The following DMRT1 variants were observed in gnomAD, a reference collection of about 807,000 sequenced individuals.
The protein encoded by DMRT1 is doublesex and mab-3 related transcription factor 1.
DMRT1 carries 7 observed loss-of-function variants against 32.3 expected under a neutral mutation model. That is an observed-to-expected ratio of 0.22 (90% CI 0.12 to 0.41). The LOEUF (loss-of-function observed/expected upper bound fraction) is 0.41. Among genes scored for constraint, DMRT1 ranks in the 10% least tolerant of loss-of-function variants. The probability of loss-of-function intolerance (pLI) is 1.00; values close to 1 mark genes in which losing one functional copy is unlikely to be tolerated. For synonymous variants in DMRT1, 278 were observed against 206.1 expected (o/e 1.35, Z -2.99); for missense variants, 625 against 500.5 (o/e 1.25, Z -2.37).
chr9:950,244 A>C (rs1819384756), intron 4 of DMRT1, among the ~76,000 whole-genome samples: 1 of 152,122 alleles, frequency 6.6e-6, no homozygotes, highest in African/African-American at 2.4e-5. Flanking sequence ...GTCTTTTTGC[A>C]GCAAAATCAT....
chr9:842,230 G>GT (rs780064237), intron 1 of DMRT1, 38 bp downstream of exon 1: 279,943 of 1,194,778 alleles, frequency 0.23, 6,813 homozygotes, highest in Non-Finnish European at 0.24. Context: ...TTCAGCCTTA[G>GT]TTTTTTTTTT....
intron 2 of DMRT1, among the ~76,000 whole-genome samples, chr9:857,303 T>A (rs969034574): frequency 1.5e-5 from 2 of 129,752 alleles, no homozygotes; most frequent in Non-Finnish European, 3.8e-5. Context: ...CAAGACTCTA[T>A]CTCAAAAAAA....
At chr9:881,675 C>T (rs1564220439) in intron 2 of DMRT1, among the ~76,000 whole-genome samples, 1 of 152,212 alleles carries the variant, frequency 6.6e-6, no homozygotes, top group African/African-American at 2.4e-5. Flanking sequence ...GTCAGTCAAA[C>T]AAGTTCCTAA....
intron 4 of DMRT1, among the ~76,000 whole-genome samples, chr9:951,874 T>C (rs2129957839): frequency 6.6e-6 from 1 of 152,314 alleles, no homozygotes; most frequent in South Asian, 2.1e-4. Context: ...AGGTAGTCCC[T>C]GGTGCCAGTT....
At chr9:870,313 C>T (rs1224709645) in intron 2 of DMRT1, among the ~76,000 whole-genome samples, 3 of 152,114 alleles carry the variant, frequency 2.0e-5, no homozygotes, top group East Asian at 3.8e-4. Context: ...GCAAGAGAAT[C>T]GCTTGAACCT....
intron 4 of DMRT1, among the ~76,000 whole-genome samples, chr9:936,185 G>A (rs1331032017): frequency 1.3e-5 from 2 of 152,192 alleles, no homozygotes; most frequent in Non-Finnish European, 2.9e-5. Flanking sequence ...TGAAGGATGT[G>A]TGTTGCTTGA....
chr9:842,211 G>C lies in DMRT1; in HGVS notation c.354+19G>C. 1 of 1,529,222 alleles carries C rather than the reference G, an allele frequency of 6.5e-7. No individual in the cohort carries two copies. The highest frequency in any genetic ancestry group is 8.7e-7 in the Non-Finnish European group (1 of 1,145,198). The allele number at this position is 1,529,222 out of a possible 1,614,324, so 94.7% of individuals were successfully genotyped here. A position where few individuals can be genotyped will look rare whatever the true frequency, so the allele number is the denominator to read the frequency against. Reference sequence around the variant, plus strand: ...CGCGCAGGTGGGTGCGGGCGTGCGGGAGCCCGGGTTCAGCCTTAGTTTTTT... The same window carrying C: ...CGCGCAGGTGGGTGCGGGCGTGCGGCAGCCCGGGTTCAGCCTTAGTTTTTT... On this transcript the variant is annotated intron_variant, in intron 1 of 4. Transcript: ENST00000382276.
rs138525124 is a variant in DMRT1, at chr9:914,352, A to T, written c.823-2411A>T. On this transcript the variant is annotated intron_variant, in intron 3 of 4. Transcript: ENST00000382276. Reference sequence around the variant, plus strand: ...CACTTTGGGAGGCCGAGGCGGGCAGATCACGAGGTCATGAGATCGAGACCA... The same window carrying T: ...CACTTTGGGAGGCCGAGGCGGGCAGTTCACGAGGTCATGAGATCGAGACCA... 4.5e-3 allele frequency among the ~76,000 whole-genome samples: 682 copies of T among 152,250 alleles called. 3 individuals carry two copies. Among genetic ancestry groups the T allele is most frequent in the African/African-American group, 0.016 (644 of 41,540 alleles).
chr9:870,709 CT>C (rs58893896), intron 2 of DMRT1, among the ~76,000 whole-genome samples: 6,760 of 69,504 alleles, frequency 0.097, 356 homozygotes, highest in Admixed American at 0.24. Context: ...ATTTTCTTGA[CT>C]TTTTTTTTTT....
At chr9:900,635 A>C (rs188885103) in intron 3 of DMRT1, among the ~76,000 whole-genome samples, 2 of 152,168 alleles carry the variant, frequency 1.3e-5, no homozygotes, top group African/African-American at 2.4e-5. Flanking sequence ...ATTGAAAAAA[A>C]AACAACAAAG....
intron 4 of DMRT1, among the ~76,000 whole-genome samples, chr9:930,325 T>A (rs1348518373): frequency 6.6e-6 from 1 of 152,046 alleles, no homozygotes; most frequent in Non-Finnish European, 1.5e-5. Flanking sequence ...TCTGAATTCC[T>A]TGGCTCAAGT....
Position 894,560 on chromosome 9 carries a change from G to C in DMRT1, c.822+365G>C, listed in dbSNP as rs190047276. 4 of 325,020 alleles carry C rather than the reference G, an allele frequency of 1.2e-5. No homozygotes were observed. The East Asian group carries it at 2.4e-4, about 19-fold the overall frequency. The allele number at this position is 325,020 out of a possible 1,614,324, so 20.1% of individuals were successfully genotyped here. ...AGGCAGATCACAAGTACTGAATGAG[G>C]TACCACCTCCTCCAGCTTTGTCCCC... is the stretch of plus-strand genomic sequence containing the variant. On this transcript the variant is annotated intron_variant, in intron 3 of 4. Coordinates refer to ENST00000382276, the MANE Select transcript of DMRT1 (RefSeq NM_021951.3).
chr9:879,479 G>A (rs1443753781), intron 2 of DMRT1, among the ~76,000 whole-genome samples: 1 of 152,166 alleles, frequency 6.6e-6, no homozygotes, highest in African/African-American at 2.4e-5. Flanking sequence ...CATAGCTGCT[G>A]CTTCAGGTAG....
chr9:967,392 TTC>T (rs1222092475), intron 4 of DMRT1, among the ~76,000 whole-genome samples: 3 of 152,268 alleles, frequency 2.0e-5, no homozygotes, highest in South Asian at 2.1e-4. Flanking sequence ...TTATTTACTT[TTC>T]TGTTTTTACA....
intron 2 of DMRT1, among the ~76,000 whole-genome samples, chr9:869,813 C>T (rs1392805587): frequency 6.6e-6 from 1 of 152,086 alleles, no homozygotes; most frequent in African/African-American, 2.4e-5. Context: ...TTCTCCTCTT[C>T]TCCCCATTTG....
intron 2 of DMRT1, among the ~76,000 whole-genome samples, chr9:879,663 C>A (rs1380475966): frequency 2.6e-5 from 4 of 152,162 alleles, no homozygotes; most frequent in Non-Finnish European, 5.9e-5. Context: ...AAACCAAAAC[C>A]ATGCTAACGA....
intron 2 of DMRT1, among the ~76,000 whole-genome samples, chr9:851,028 C>CAAAAA (rs869227462): frequency 1.4e-4 from 13 of 94,750 alleles, no homozygotes; most frequent in Admixed American, 6.5e-4. Flanking sequence ...GACTCTATCT[C>CAAAAA]AAAAAAAAAA....
At chr9:849,926 C>G (rs995569597) in intron 2 of DMRT1, among the ~76,000 whole-genome samples, 2 of 152,086 alleles carry the variant, frequency 1.3e-5, no homozygotes, top group Admixed American at 6.6e-5. Flanking sequence ...CAGGTTCAAG[C>G]GATACTCCTG....
At chr9:929,873 G>T (rs920824225) in intron 4 of DMRT1, among the ~76,000 whole-genome samples, 4 of 152,108 alleles carry the variant, frequency 2.6e-5, no homozygotes, top group Non-Finnish European at 4.4e-5. Flanking sequence ...CTAGCATAAT[G>T]CTCTGGGAGA....
Sources: gnomAD v4.1 joint callset for allele counts (sites outside exome capture counted in the v4.1 genomes callset) on GRCh38, gnomAD v4.1.1 for gene constraint, MANE v1.5 for transcripts, NCBI Gene and HGNC (gene_info 2026-07-23, HGNC 2026-07-21) for gene names.